Variants in MED13L observed in about 807,000 individuals in gnomAD.
MED13L encodes mediator complex subunit 13L, also known as mediator of RNA polymerase II transcription subunit 13-like.
MED13L carries 7 observed loss-of-function variants against 220.9 expected under a neutral mutation model. That is an observed-to-expected ratio of 0.03 (90% confidence interval 0.02 to 0.06). MED13L has a LOEUF of 0.06. Ranked by LOEUF, MED13L falls within the 10% of genes least tolerant of loss-of-function variation. The pLI is 1.00. For missense variants in MED13L, 1,965 were observed against 2,760.5 expected (o/e 0.71, Z 6.46); for synonymous variants, 1,011 against 1,015.2 (o/e 1.00, Z 0.08).
rs568521854 is a variant in MED13L, at chr12:116,271,906, C to A, written c.72+5154G>T. Among the ~76,000 whole-genome samples, 7 of 151,658 alleles carry A rather than the reference C, an allele frequency of 4.6e-5. No homozygotes were observed. In the East Asian group the frequency reaches 5.8e-4, roughly 13 times the overall value. ...ATGTATCATTCACTTTCAAAAAAAA[C>A]ACACACACACACAAATCAGTACTCC... On this transcript the variant is annotated intron_variant, in intron 1 of 30. Coordinates refer to ENST00000281928, the MANE Select transcript of MED13L (RefSeq NM_015335.5).
At chr12:116,034,560 C>T (rs1436379616) in intron 4 of MED13L, among the ~76,000 whole-genome samples, 1 of 152,138 alleles carries the variant, frequency 6.6e-6, no homozygotes, top group Non-Finnish European at 1.5e-5. Flanking sequence ...CTCTTTGTAG[C>T]CTAAGGTAGC....
At chr12:116,094,714 T>C (rs1176272771) in intron 4 of MED13L, among the ~76,000 whole-genome samples, 3 of 152,212 alleles carry the variant, frequency 2.0e-5, no homozygotes, top group Non-Finnish European at 4.4e-5. Context: ...CAATCCATGT[T>C]AGGCATGGAC....
chr12:116,055,732 A>C (rs1453574762), intron 4 of MED13L, among the ~76,000 whole-genome samples: 1 of 152,070 alleles, frequency 6.6e-6, no homozygotes, highest in African/African-American at 2.4e-5. Context: ...CTGTCTCTAC[A>C]AAACTACAAA....
At chr12:116,195,731 G>A (rs930120831) in intron 2 of MED13L, among the ~76,000 whole-genome samples, 2 of 151,736 alleles carry the variant, frequency 1.3e-5, no homozygotes, top group East Asian at 1.9e-4. Flanking sequence ...GATTACAGGC[G>A]TGAGCCACTC....
chr12:116,071,460 C>T (rs1870364891), intron 4 of MED13L, among the ~76,000 whole-genome samples: 1 of 152,150 alleles, frequency 6.6e-6, no homozygotes, highest in Non-Finnish European at 1.5e-5. Flanking sequence ...GAGTTTCACT[C>T]TTGTTGCCCA....
chr12:115,971,252 C>T (rs1015046334), intron 26 of MED13L, among the ~76,000 whole-genome samples: 2 of 152,174 alleles, frequency 1.3e-5, no homozygotes, highest in African/African-American at 4.8e-5. Context: ...AAGGTAGGAA[C>T]TATGATCCCC....
At chr12:116,079,932 C>G (rs1288909421) in intron 4 of MED13L, among the ~76,000 whole-genome samples, 1 of 152,072 alleles carries the variant, frequency 6.6e-6, no homozygotes, top group African/African-American at 2.4e-5. Flanking sequence ...CCAAGCTTGT[C>G]CAACCCGTAA....
chr12:116,085,804 C>T (rs1593026666), intron 4 of MED13L, among the ~76,000 whole-genome samples: 1 of 149,448 alleles, frequency 6.7e-6, no homozygotes, highest in African/African-American at 2.5e-5. Context: ...TTAAGAACAG[C>T]AGAATAAACA....
At chr12:115,963,711 A>G (rs980474167) in intron 29 of MED13L, among the ~76,000 whole-genome samples, 192 bp from the exon 30 acceptor site, 1 of 152,210 alleles carries the variant, frequency 6.6e-6, no homozygotes, top group Non-Finnish European at 1.5e-5. Context: ...TAGAGTTGGA[A>G]AAAAACAAAA....
chr12:115,980,786 A>G lies in MED13L; in HGVS notation c.5328T>C (p.Pro1776=), dbSNP rs745664706. The change falls in exon 23 of 31, where the codon CCT becomes CCC. Residue 1776 remains proline, a synonymous_variant. Coordinates refer to ENST00000281928, the MANE Select transcript of MED13L (RefSeq NM_015335.5). ...TGAGGGTCATCTCAATGCTGGCTGC[A>G]GGCCCAAATCCCGTGAGGGATTTAA... ...IHIKSLTGFG[P]AASIEMTLKN... 2.0e-5 allele frequency: 32 copies of G among 1,614,026 alleles called. No homozygotes were observed. Among genetic ancestry groups the G allele is most frequent in the African/African-American group, 2.7e-5 (2 of 74,928 alleles).
chr12:116,217,276 G>A (rs1593175593), intron 2 of MED13L, among the ~76,000 whole-genome samples: 1 of 152,194 alleles, frequency 6.6e-6, no homozygotes, highest in Non-Finnish European at 1.5e-5. Flanking sequence ...GCAAAGTCAA[G>A]TTTTTTATAA....
intron 2 of MED13L, among the ~76,000 whole-genome samples, chr12:116,176,715 T>C (rs1219179048): frequency 6.6e-6 from 1 of 150,974 alleles, no homozygotes; most frequent in East Asian, 1.9e-4. Flanking sequence ...AGGACCAAAA[T>C]GGTATGGATC....
intron 2 of MED13L, among the ~76,000 whole-genome samples, chr12:116,206,892 T>TC (rs1193820118): frequency 5.3e-5 from 8 of 151,830 alleles, no homozygotes; most frequent in Admixed American, 2.0e-4. Flanking sequence ...TTTTTATATA[T>TC]CCCCCCCAAA....
At chr12:116,053,634 G>C (rs199891502) in intron 4 of MED13L, among the ~76,000 whole-genome samples, 4 of 152,144 alleles carry the variant, frequency 2.6e-5, no homozygotes, top group African/African-American at 9.7e-5. Context: ...GAAGCAGAAG[G>C]GAGGAAGGGG....
rs373540299 is a variant in MED13L, at chr12:115,984,381, A to G, written c.4339-9T>C. On this transcript the variant is annotated splice_polypyrimidine_tract_variant and intron_variant, in intron 19 of 30. Coordinates refer to ENST00000281928, the MANE Select transcript of MED13L (RefSeq NM_015335.5). ...TGCCCAAGCCTACACATCTGATATC[A>G]TAGACAAGATCATTAGTTATAACAG... 4.0e-5 allele frequency: 65 copies of G among 1,613,906 alleles called. 1 individual carries two copies. The East Asian group carries it at 1.2e-3, about 30-fold the overall frequency.
chr12:115,964,049 T>G lies in MED13L; in HGVS notation c.6388-530A>C, dbSNP rs574102960. Among the ~76,000 whole-genome samples the G allele has an allele frequency of 1.2e-4, 18 of 152,140 alleles. No homozygotes were observed. The South Asian group carries it at 1.5e-3, about 12-fold the overall frequency. On this transcript the variant is annotated intron_variant, in intron 29 of 30. Transcript: ENST00000281928. ...ATGCAGTGAGCTGTGATTGCACCACTGTGCTCCAGCCTGGGCAACAGAGCA... is the reference window on the plus strand; with the variant it reads ...ATGCAGTGAGCTGTGATTGCACCACGGTGCTCCAGCCTGGGCAACAGAGCA...
chr12:116,234,806 C>A (rs900558503), intron 2 of MED13L, among the ~76,000 whole-genome samples: 1 of 151,916 alleles, frequency 6.6e-6, no homozygotes, highest in Non-Finnish European at 1.5e-5. Flanking sequence ...TACAGGTGCA[C>A]GTCACCACAC....
chr12:116,150,943 A>T (rs934106825), intron 2 of MED13L, among the ~76,000 whole-genome samples: 1 of 152,106 alleles, frequency 6.6e-6, no homozygotes, highest in Admixed American at 6.6e-5. Flanking sequence ...TATGGTACGT[A>T]AAGCACCTAG....
rs1354192506 is a variant in MED13L, at chr12:115,986,422, G to A, written c.4182C>T (p.Leu1394=). The A allele has an allele frequency of 6.2e-7, 1 of 1,614,154 alleles. No homozygotes were observed. The highest frequency in any genetic ancestry group is 2.2e-5 in the East Asian group (1 of 44,862). Residue 1394 remains leucine (L), a synonymous_variant, in exon 19 of 31, where the codon CTC becomes CTT. Coordinates refer to ENST00000281928, the MANE Select transcript of MED13L (RefSeq NM_015335.5). The stretch of plus-strand genomic sequence containing the variant: ...ACGGCAAGGAGAATGGCGAGATGGT[G>A]AGGAAATCCTTGTCATAGCCTACCA... ...TLLVGYDKDF[L]TISPFSLPFW...
Sources: gnomAD v4.1 joint callset for allele counts (sites outside exome capture counted in the v4.1 genomes callset) on GRCh38, gnomAD v4.1.1 for gene constraint, MANE v1.5 for transcripts, NCBI Gene and HGNC (gene_info 2026-07-23, HGNC 2026-07-21) for gene names.